ZNF704: variants seen among roughly 807,000 people sequenced by gnomAD.
ZNF704 encodes zinc finger protein 704.
A neutral mutation model predicts 44.7 loss-of-function variants in ZNF704; 10 were observed. That is an observed-to-expected ratio of 0.22 (90% CI 0.14 to 0.38). The LOEUF (loss-of-function observed/expected upper bound fraction) is 0.38, where lower values mean the gene tolerates loss of function less well. Ranked by LOEUF, ZNF704 falls within the 10% of genes least tolerant of loss-of-function variation. The pLI is 1.00. For synonymous variants in ZNF704, 211 were observed against 207.6 expected (o/e 1.02, Z -0.14); for missense variants, 390 against 545.5 (o/e 0.71, Z 2.84).
intron 1 of ZNF704, among the ~76,000 whole-genome samples, chr8:80,846,050 A>T (rs1160152999): frequency 6.6e-6 from 1 of 152,112 alleles, no homozygotes; most frequent in Non-Finnish European, 1.5e-5. Flanking sequence ...AACATTCAAG[A>T]TTTTGAAGAA....
rs199644272 is a variant in ZNF704, at chr8:80,766,233, A to AT, written c.221+55140dup. 4.2e-4 allele frequency among the ~76,000 whole-genome samples: 63 copies of AT among 151,008 alleles called. No individual in the cohort carries two copies. The Middle Eastern group carries it at 0.01, about 25-fold the overall frequency. Reference sequence around the variant, plus strand: ...CGGCCAACAGGCACCCTTCTCCAATATTTTTTTTTAATGTGGGGCAGAAGA... The same window carrying AT: ...CGGCCAACAGGCACCCTTCTCCAATATTTTTTTTTTAATGTGGGGCAGAAGA... On this transcript the variant is annotated intron_variant, in intron 2 of 8. Coordinates refer to ENST00000327835, the MANE Select transcript of ZNF704 (RefSeq NM_001033723.3).
intron 2 of ZNF704, among the ~76,000 whole-genome samples, chr8:80,734,441 T>G (rs1806632264): frequency 6.6e-6 from 1 of 152,254 alleles, no homozygotes; most frequent in Admixed American, 6.5e-5. Flanking sequence ...TTTGAAGTAC[T>G]ATGACTATCC....
At chr8:80,643,516 CAAAAAAAA>C (rs1174433192) in intron 7 of ZNF704, among the ~76,000 whole-genome samples, 750 of 23,396 alleles carry the variant, frequency 0.032, 7 homozygotes, top group African/African-American at 0.08. Context: ...GATCCTGTCT[CAAAAAAAA>C]AAAAAAAAAA....
intron 1 of ZNF704, among the ~76,000 whole-genome samples, chr8:80,836,026 A>G (rs1808552908): frequency 6.6e-6 from 1 of 152,068 alleles, no homozygotes; most frequent in Admixed American, 6.5e-5. Context: ...CCACTCCTGC[A>G]CCGCCTCCCA....
chr8:80,724,048 T>C (rs1199179929), intron 2 of ZNF704, among the ~76,000 whole-genome samples: 1 of 152,248 alleles, frequency 6.6e-6, no homozygotes, highest in African/African-American at 2.4e-5. Context: ...GCAAGTAATG[T>C]ATACAAAAAT....
At position 80,635,794 on chromosome 8, in the gene ZNF704, T is replaced by G. The variant is rs570030489; in HGVS notation, c.*5572A>C. 4 of 152,292 alleles carry G rather than the reference T, an allele frequency of 2.6e-5. No individual in the cohort carries two copies. Among genetic ancestry groups the G allele is most frequent in the Admixed American group, 6.5e-5 (1 of 15,300 alleles). The allele number at this position is 152,292 out of a possible 1,614,324, so 9.4% of individuals were successfully genotyped here. ...AACACACTAGTAATGGTAAAAGGAG[T>G]AGCTGTTGCTATCTTGATTCTCCTA... On this transcript the variant is annotated 3_prime_UTR_variant, in exon 9 of 9. Coordinates refer to ENST00000327835, the MANE Select transcript of ZNF704 (RefSeq NM_001033723.3).
chr8:80,675,796 G>T (rs1818355703), intron 4 of ZNF704, among the ~76,000 whole-genome samples: 1 of 152,130 alleles, frequency 6.6e-6, no homozygotes, highest in African/African-American at 2.4e-5. Flanking sequence ...AAAGGAGATT[G>T]CACGCAGGAC....
chr8:80,677,362 G>T (rs1818384918), intron 4 of ZNF704, among the ~76,000 whole-genome samples: 1 of 152,140 alleles, frequency 6.6e-6, no homozygotes, highest in Non-Finnish European at 1.5e-5. Context: ...GGTTGGTCCT[G>T]ATTACAGAAA....
intron 2 of ZNF704, 101 bp downstream of exon 2, chr8:80,821,273 T>C (rs972974010): frequency 2.4e-6 from 3 of 1,243,038 alleles, no homozygotes; most frequent in Admixed American, 2.3e-5. Flanking sequence ...AAACCTTTCA[T>C]ATGTCTATAT....
At chr8:80,860,362 T>A (rs1218979908) in intron 1 of ZNF704, among the ~76,000 whole-genome samples, 1 of 152,234 alleles carries the variant, frequency 6.6e-6, no homozygotes, top group Non-Finnish European at 1.5e-5. Context: ...TGCCTGACTG[T>A]GAGTCCAGTC....
At chr8:80,714,814 G>T (rs986908290) in intron 2 of ZNF704, among the ~76,000 whole-genome samples, 27 of 152,260 alleles carry the variant, frequency 1.8e-4, no homozygotes, top group Non-Finnish European at 2.2e-4. Context: ...GCAAGAGGCA[G>T]GTAGGGCCAG....
At chr8:80,695,097 T>A (rs781223540) in intron 2 of ZNF704, among the ~76,000 whole-genome samples, 15 of 152,244 alleles carry the variant, frequency 9.9e-5, no homozygotes, top group Non-Finnish European at 1.6e-4. Context: ...TAAAGCCATT[T>A]TCTTAAAACA....
Position 80,782,146 on chromosome 8 carries a change from G to A in ZNF704, c.221+39228C>T, listed in dbSNP as rs534952644. Among the ~76,000 whole-genome samples, 49 of 152,308 alleles carry A rather than the reference G, an allele frequency of 3.2e-4. No homozygotes were observed. In the South Asian group the frequency reaches 9.3e-3, roughly 29 times the overall value. On this transcript the variant is annotated intron_variant, in intron 2 of 8. Coordinates refer to ENST00000327835, the MANE Select transcript of ZNF704 (RefSeq NM_001033723.3). Reference sequence around the variant, plus strand: ...GTACCTCTTGCTTTGAGTTAGCGCAGCTGGGATATATTTATTTTCAAGCCT... The same window carrying A: ...GTACCTCTTGCTTTGAGTTAGCGCAACTGGGATATATTTATTTTCAAGCCT...
intron 7 of ZNF704, among the ~76,000 whole-genome samples, chr8:80,649,716 C>T (rs951406453): frequency 5.9e-5 from 9 of 152,240 alleles, no homozygotes; most frequent in African/African-American, 2.2e-4. Flanking sequence ...CTGCCTGCCT[C>T]TGTAGACTCC....
chr8:80,867,726 G>A (rs1002870038), intron 1 of ZNF704, among the ~76,000 whole-genome samples: 5 of 152,162 alleles, frequency 3.3e-5, no homozygotes, highest in African/African-American at 1.2e-4. Flanking sequence ...CACAGTTCCT[G>A]CCAAAGGCTT....
chr8:80,667,525 G>A (rs1585936578), intron 5 of ZNF704, among the ~76,000 whole-genome samples: 1 of 152,194 alleles, frequency 6.6e-6, no homozygotes, highest in African/African-American at 2.4e-5. Flanking sequence ...CCTCTGAAGT[G>A]TGTTTACTCA....
rs370835879 is a variant in ZNF704 at position 80,641,329 on chromosome 8, C to T, written c.*37G>A. 99 of 1,337,954 alleles carry T rather than the reference C, an allele frequency of 7.4e-5. No individual in the cohort carries two copies. Among genetic ancestry groups the T allele is most frequent in the African/African-American group, 6.7e-4 (46 of 68,774 alleles). The allele number at this position is 1,337,954 out of a possible 1,614,324, so 82.9% of individuals were successfully genotyped here. A position where few individuals can be genotyped will look rare whatever the true frequency, so the allele number is the denominator to read the frequency against. ...CTGCAGTGGCAGGCCAGGGCAGGAG[C>T]GGCTCAGGGCCCTGAGCCCCTCTGC... On this transcript the variant is annotated 3_prime_UTR_variant, in exon 9 of 9. Coordinates refer to ENST00000327835, the MANE Select transcript of ZNF704 (RefSeq NM_001033723.3).
chr8:80,686,826 C>G (rs1275870259), intron 4 of ZNF704, among the ~76,000 whole-genome samples: 1 of 152,026 alleles, frequency 6.6e-6, no homozygotes, highest in Non-Finnish European at 1.5e-5. Flanking sequence ...TCCCAATAAC[C>G]CTTCAGGGCT....
At chr8:80,649,867 C>T (rs1471881815) in intron 7 of ZNF704, among the ~76,000 whole-genome samples, 1 of 152,220 alleles carries the variant, frequency 6.6e-6, no homozygotes, top group East Asian at 1.9e-4. Flanking sequence ...ACTGCCTCCT[C>T]AAGTGGGTCC....
Sources: allele counts gnomAD v4.1 joint callset (sites outside exome capture counted in the v4.1 genomes callset), GRCh38; gene constraint gnomAD v4.1.1; transcripts MANE v1.5; gene names NCBI Gene and HGNC (gene_info 2026-07-23, HGNC 2026-07-21).